EPG5: variants seen among roughly 807,000 people sequenced by gnomAD.
The protein encoded by EPG5 is ectopic P granules protein 5 homolog.
A neutral mutation model predicts 302.7 loss-of-function variants in EPG5; 159 were observed. The observed-to-expected ratio is 0.53, with a 90% CI of 0.46 to 0.60. The LOEUF is 0.60. Ranked by LOEUF, EPG5 falls within the 20% of genes least tolerant of loss-of-function variation. The pLI, the probability that EPG5 is intolerant of heterozygous loss-of-function variation, is 0.00. For missense variants in EPG5, 2,896 were observed against 3,092.4 expected (o/e 0.94, Z 1.51); for synonymous variants, 1,158 against 1,136.8 (o/e 1.02, Z -0.37).
the EPG5 span, among the ~76,000 whole-genome samples, chr18:45,818,561 T>TACCATTTATG: frequency 6.6e-6 from 1 of 152,138 alleles, no homozygotes; most frequent in Admixed American, 6.5e-5. Context: ...AATTCTTTAG[T>TACCATTTATG]TACCATTAAG....
intron 10 of EPG5, among the ~76,000 whole-genome samples, chr18:45,937,499 G>A (rs774334810): frequency 6.6e-5 from 10 of 151,888 alleles, no homozygotes; most frequent in Admixed American, 2.0e-4. Context: ...CTCCACTTCC[G>A]GGGTTCAAGC....
chr18:45,838,709 C>T, the EPG5 span: 5 of 1,566,286 alleles, frequency 3.2e-6, no homozygotes, highest in Non-Finnish European at 4.3e-6. Context: ...CCCGCCTTCT[C>T]CCCTGCAGCC....
At chr18:45,822,074 A>C in the EPG5 span, among the ~76,000 whole-genome samples, 1 of 152,246 alleles carries the variant, frequency 6.6e-6, no homozygotes, top group African/African-American at 2.4e-5. Context: ...AAAGAAACTC[A>C]GTATATGAAA....
intron 39 of EPG5, among the ~76,000 whole-genome samples, chr18:45,864,049 T>C (rs927532657): frequency 6.6e-6 from 1 of 152,200 alleles, no homozygotes; most frequent in African/African-American, 2.4e-5. Context: ...ACTTGGATAA[T>C]AGGATGTATA....
At chr18:45,802,566 T>C in the EPG5 span, among the ~76,000 whole-genome samples, 960 of 151,932 alleles carry the variant, frequency 6.3e-3, 6 homozygotes, top group Non-Finnish European at 0.01. Context: ...TCCAGCTACA[T>C]CCAAACTTCC....
the EPG5 span, among the ~76,000 whole-genome samples, chr18:45,822,542 G>T: frequency 3.8e-4 from 58 of 152,194 alleles, 1 homozygote; most frequent in East Asian, 0.011. Context: ...CTAGAAGAAG[G>T]ATATTGAATT....
Position 45,952,535 on chromosome 18 carries a change from C to A in EPG5, c.1117G>T (p.Glu373Ter), listed in dbSNP as rs376656925. 1 of 1,614,114 alleles carries A rather than the reference C, an allele frequency of 6.2e-7. No homozygotes were observed. The highest frequency in any genetic ancestry group is 8.5e-7 in the Non-Finnish European group (1 of 1,180,012). The change falls in exon 3 of 44, where the codon GAG becomes TAG. Residue 373 changes from glutamate (E) to a stop codon, truncating the protein, a stop_gained. Coordinates refer to ENST00000282041, the MANE Select transcript of EPG5 (RefSeq NM_020964.3). LOFTEE classifies it high-confidence loss of function. ...ELKKLFDAKS[E>*]HLHQTLALHS... is the part of the protein sequence containing the mutation. Reference sequence around the variant, plus strand: ...AGGGCCAGGGTCTGGTGGAGGTGCTCAGATTTGGCATCGAATAGCTTCTTT... The same window carrying A: ...AGGGCCAGGGTCTGGTGGAGGTGCTAAGATTTGGCATCGAATAGCTTCTTT...
intron 13 of EPG5, among the ~76,000 whole-genome samples, chr18:45,926,291 T>C (rs1178326620): frequency 3.9e-5 from 6 of 152,150 alleles, no homozygotes; most frequent in East Asian, 3.8e-4. Flanking sequence ...AGATACTCTA[T>C]TGGCTTCCAA....
At chr18:45,830,681 G>C in the EPG5 span, among the ~76,000 whole-genome samples, 1 of 137,198 alleles carries the variant, frequency 7.3e-6, no homozygotes, top group Admixed American at 8.2e-5. Flanking sequence ...CGCCTCCCAG[G>C]TTCAAGCGAG....
intron 27 of EPG5, among the ~76,000 whole-genome samples, chr18:45,896,182 C>T (rs2049468025): frequency 1.3e-5 from 2 of 152,170 alleles, no homozygotes; most frequent in Non-Finnish European, 2.9e-5. Flanking sequence ...TTTAAGTCTC[C>T]GCCTATAAAA....
the EPG5 span, among the ~76,000 whole-genome samples, chr18:45,801,046 G>A: frequency 6.6e-6 from 1 of 151,818 alleles, no homozygotes; most frequent in Admixed American, 6.6e-5. Flanking sequence ...GTTGTTTTTC[G>A]GTTTTTTTGA....
At chr18:45,809,189 T>C in the EPG5 span, among the ~76,000 whole-genome samples, 112,909 of 152,080 alleles carry the variant, frequency 0.74, 42,813 homozygotes, top group East Asian at 0.92. Flanking sequence ...ATCCTAAATA[T>C]ATATGCATCT....
intron 23 of EPG5, among the ~76,000 whole-genome samples, chr18:45,909,158 C>G (rs1210379303): frequency 6.6e-6 from 1 of 152,076 alleles, no homozygotes; most frequent in Non-Finnish European, 1.5e-5. Flanking sequence ...AACAGCCAGT[C>G]CAGGAAGACA....
At chr18:45,846,448 G>A (rs190173351), downstream of EPG5, among the ~76,000 whole-genome samples, 216 of 150,038 alleles carry the variant, frequency 1.4e-3, no homozygotes, top group African/African-American at 5.1e-3. Context: ...TTGAACCCAG[G>A]AGGTGAAGGT....
chr18:45,863,078 C>T (rs1287415758), intron 39 of EPG5, among the ~76,000 whole-genome samples: 2 of 152,094 alleles, frequency 1.3e-5, no homozygotes, highest in East Asian at 3.9e-4. Flanking sequence ...ACAAAGTTTT[C>T]TGCCTTACAG....
chr18:45,918,322 A>G (rs1253496903), intron 16 of EPG5, among the ~76,000 whole-genome samples: 1 of 152,212 alleles, frequency 6.6e-6, no homozygotes, highest in African/African-American at 2.4e-5. Flanking sequence ...TATCATACTT[A>G]AAAGCTGAGC....
At chr18:45,865,555 C>G (rs1454970315) in intron 39 of EPG5, 60 bp downstream of exon 39, 2 of 1,568,810 alleles carry the variant, frequency 1.3e-6, no homozygotes, top group Middle Eastern at 1.7e-4. Context: ...CTCACAGTGC[C>G]TTACGCACAG....
chr18:45,850,905 C>A lies in EPG5; in HGVS notation c.*1562G>T, dbSNP rs558257948. 6.6e-6 allele frequency: 1 copy of A among 152,498 alleles called. No homozygotes were observed. Among genetic ancestry groups the A allele is most frequent in the Admixed American group, 6.5e-5 (1 of 15,272 alleles). The allele number at this position is 152,498 out of a possible 1,614,324, so 9.4% of individuals were successfully genotyped here. On this transcript the variant is annotated 3_prime_UTR_variant, in exon 44 of 44. Coordinates refer to ENST00000282041, the MANE Select transcript of EPG5 (RefSeq NM_020964.3). ...AGAACAAGATGATTAATTTTGAAAA[C>A]GGAGAGAAGCAAAAATAAGAAAAGC...
At chr18:45,894,082 C>A (rs1568129091) in intron 27 of EPG5, among the ~76,000 whole-genome samples, 2 of 152,220 alleles carry the variant, frequency 1.3e-5, no homozygotes, top group East Asian at 1.9e-4. Context: ...TAGAACTAAT[C>A]ATAACACAAA....
Sources: gnomAD v4.1 joint callset for allele counts (sites outside exome capture counted in the v4.1 genomes callset) on GRCh38, gnomAD v4.1.1 for gene constraint, MANE v1.5 for transcripts, NCBI Gene and HGNC (gene_info 2026-07-23, HGNC 2026-07-21) for gene names.